APPBP2: variants seen among roughly 807,000 people sequenced by gnomAD.
APPBP2 encodes amyloid protein-binding protein 2.
In APPBP2, 15 loss-of-function variants were observed where a neutral mutation model predicts 76.0. That is an observed-to-expected ratio of 0.20 (90% CI 0.13 to 0.30). The LOEUF (loss-of-function observed/expected upper bound fraction) is 0.30. Among genes scored for constraint, APPBP2 ranks in the 10% least tolerant of loss-of-function variants. The pLI is 1.00. For synonymous variants in APPBP2, 222 were observed against 242.2 expected, an observed-to-expected ratio of 0.92 and a Z score of 0.77; for missense variants, 401 against 687.2, an observed-to-expected ratio of 0.58 and a Z score of 4.66.
At chr17:60,469,324 C>CAA (rs1159684144) in intron 4 of APPBP2, among the ~76,000 whole-genome samples, 6,564 of 52,908 alleles carry the variant, frequency 0.12, 907 homozygotes, top group African/African-American at 0.35. Context: ...GACTCCATCT[C>CAA]AAAAAAAAAA....
At chr17:60,465,385 T>C (rs993332093) in intron 5 of APPBP2, among the ~76,000 whole-genome samples, 2 of 152,224 alleles carry the variant, frequency 1.3e-5, no homozygotes, top group Admixed American at 6.5e-5. Context: ...AAAAACATGA[T>C]GCTAATTCAT....
chr17:60,476,655 T>G (rs2090593349), intron 4 of APPBP2, among the ~76,000 whole-genome samples: 1 of 152,226 alleles, frequency 6.6e-6, no homozygotes, highest in Admixed American at 6.5e-5. Flanking sequence ...GAGCTGGCAT[T>G]ATAAATGGCT....
At chr17:60,499,290 T>A (rs901547046) in intron 2 of APPBP2, among the ~76,000 whole-genome samples, 1 of 151,060 alleles carries the variant, frequency 6.6e-6, no homozygotes, top group Non-Finnish European at 1.5e-5. Context: ...GCTACGAACA[T>A]GCCACTGAAC....
Position 60,446,774 on chromosome 17 carries a change from A to G in APPBP2, c.*807T>C, listed in dbSNP as rs1398498941. 1 of 152,236 alleles carries G rather than the reference A, an allele frequency of 6.6e-6. No individual in the cohort carries two copies. Among genetic ancestry groups the G allele is most frequent in the Non-Finnish European group, 1.5e-5 (1 of 68,040 alleles). The allele number at this position is 152,236 out of a possible 1,614,324, so 9.4% of individuals were successfully genotyped here. ...TTTCATTATACATCTAAATGAAATC[A>G]TTCTACTGATAAAAGTATATGTAGG... On this transcript the variant is annotated 3_prime_UTR_variant, in exon 13 of 13. Coordinates refer to ENST00000083182, the MANE Select transcript of APPBP2 (RefSeq NM_006380.5).
intron 2 of APPBP2, among the ~76,000 whole-genome samples, chr17:60,497,067 C>T (rs2090781843): frequency 6.6e-6 from 1 of 152,160 alleles, no homozygotes; most frequent in East Asian, 1.9e-4. Context: ...AATACAAACT[C>T]CATGAGGAAG....
intron 3 of APPBP2, among the ~76,000 whole-genome samples, chr17:60,483,074 G>A (rs974634430): frequency 6.6e-6 from 1 of 152,020 alleles, no homozygotes; most frequent in Non-Finnish European, 1.5e-5. Context: ...CTATTTCTCC[G>A]CATCTTCTCC....
intron 1 of APPBP2, among the ~76,000 whole-genome samples, chr17:60,509,734 G>C (rs982622550): frequency 2.0e-5 from 3 of 152,204 alleles, no homozygotes; most frequent in Non-Finnish European, 2.9e-5. Flanking sequence ...AGGAGGTGGA[G>C]GCTGCGGTGA....
intron 1 of APPBP2, among the ~76,000 whole-genome samples, chr17:60,501,956 C>A (rs1243174369): frequency 6.6e-6 from 1 of 152,204 alleles, no homozygotes; most frequent in Non-Finnish European, 1.5e-5. Context: ...GGGACCACCA[C>A]ATGCTCACGA....
chr17:60,494,173 C>T (rs1443982821), intron 3 of APPBP2, among the ~76,000 whole-genome samples: 1 of 152,202 alleles, frequency 6.6e-6, no homozygotes, highest in Non-Finnish European at 1.5e-5. Context: ...GGAATCTAAA[C>T]TTAGCTCTAC....
intron 1 of APPBP2, among the ~76,000 whole-genome samples, chr17:60,502,088 C>T (rs1435323195): frequency 6.6e-6 from 1 of 152,166 alleles, no homozygotes; most frequent in Non-Finnish European, 1.5e-5. Context: ...TGGTCTTACT[C>T]TGTCATCCAG....
intron 3 of APPBP2, among the ~76,000 whole-genome samples, chr17:60,488,029 C>CTGCAGAACAGCAAATAT (rs542064223): frequency 2.0e-5 from 3 of 152,384 alleles, no homozygotes; most frequent in South Asian, 4.1e-4. Context: ...CCAGCGAAAG[C>CTGCAGAACAGCAAATAT]TGCAGAACAG....
Position 60,479,189 on chromosome 17 carries a change from A to G in APPBP2, c.462T>C (p.Asp154=). 1.3e-6 allele frequency: 2 copies of G among 1,591,578 alleles called. No homozygotes were observed. Among genetic ancestry groups the G allele is most frequent in the Non-Finnish European group, 1.7e-6 (2 of 1,160,110 alleles). The change falls in exon 4 of 13, where the codon GAT becomes GAC. Residue 154 remains aspartate (D), a synonymous_variant. Coordinates refer to ENST00000083182, the MANE Select transcript of APPBP2 (RefSeq NM_006380.5). ...LSCLQLCTLH[D]EMLHWFRAVE... The stretch of plus-strand genomic sequence containing the variant: ...CTGCACGAAACCAATGAAGCATCTC[A>G]TCGTGTAGAGTACACAACTGAAGGC...
At chr17:60,457,060 G>C (rs2090436552) in intron 9 of APPBP2, among the ~76,000 whole-genome samples, 1 of 151,654 alleles carries the variant, frequency 6.6e-6, no homozygotes, top group Non-Finnish European at 1.5e-5. Flanking sequence ...GCTTGAACCT[G>C]GGAGGTGGAG....
chr17:60,466,274 T>G lies in APPBP2; in HGVS notation c.672+17A>C, dbSNP rs768312066. 19 of 1,606,782 alleles carry G rather than the reference T, an allele frequency of 1.2e-5. No homozygotes were observed. The highest frequency in any genetic ancestry group is 1.6e-5 in the Non-Finnish European group (19 of 1,175,630). ...GGTACTTATTGGTCACAGTGAAATG[T>G]ACCTTAAAACACTTACCTCATCATA... On this transcript the variant is annotated intron_variant, in intron 5 of 12. Transcript: ENST00000083182.
chr17:60,458,795 A>C (rs1292142506), intron 9 of APPBP2, among the ~76,000 whole-genome samples: 1 of 144,470 alleles, frequency 6.9e-6, no homozygotes, highest in Non-Finnish European at 1.5e-5. Flanking sequence ...TTTTTTTTTG[A>C]GACGGAGTCT....
At chr17:60,483,323 T>C (rs1271971207) in intron 3 of APPBP2, among the ~76,000 whole-genome samples, 2 of 152,200 alleles carry the variant, frequency 1.3e-5, no homozygotes, top group Non-Finnish European at 2.9e-5. Flanking sequence ...AGATTCTGGG[T>C]ATCAGCCCAT....
intron 1 of APPBP2, among the ~76,000 whole-genome samples, chr17:60,520,299 G>A (rs746598954): frequency 7.2e-5 from 11 of 152,144 alleles, no homozygotes; most frequent in South Asian, 4.1e-4. Context: ...GAGGCCGGGC[G>A]CAGTGGCTCA....
chr17:60,463,658 A>G (rs2090491060), intron 6 of APPBP2, among the ~76,000 whole-genome samples: 1 of 152,238 alleles, frequency 6.6e-6, no homozygotes, highest in Non-Finnish European at 1.5e-5. Flanking sequence ...AAAGTGACCA[A>G]AGTTCACAGG....
chr17:60,516,786 T>C (rs1294339170), intron 1 of APPBP2, among the ~76,000 whole-genome samples: 5 of 152,226 alleles, frequency 3.3e-5, no homozygotes, highest in East Asian at 1.9e-4. Context: ...TATCAACTTA[T>C]ATTCCCATTA....
Sources: allele counts gnomAD v4.1 joint callset (sites outside exome capture counted in the v4.1 genomes callset), GRCh38; gene constraint gnomAD v4.1.1; transcripts MANE v1.5; gene names NCBI Gene and HGNC (gene_info 2026-07-23, HGNC 2026-07-21).